The following PTPN14 variants were observed in gnomAD, a reference collection of about 807,000 sequenced individuals.
PTPN14 encodes the protein tyrosine-protein phosphatase non-receptor type 14.
PTPN14 carries 53 observed loss-of-function variants against 126.8 expected under a neutral mutation model. The ratio of observed to expected loss-of-function variants is 0.42; its 90% CI spans 0.34 to 0.53. The LOEUF (loss-of-function observed/expected upper bound fraction) is 0.53, where lower values mean the gene tolerates loss of function less well. Among genes scored for constraint, PTPN14 ranks in the 20% least tolerant of loss-of-function variants. The pLI is 0.08. For missense variants in PTPN14, 1,257 were observed against 1,552.9 expected, an observed-to-expected ratio of 0.81 and a Z score of 3.20; for synonymous variants, 630 against 599.3, an observed-to-expected ratio of 1.05 and a Z score of -0.75.
intron 3 of PTPN14, among the ~76,000 whole-genome samples, chr1:214,422,588 G>A (rs893964459): frequency 6.6e-5 from 10 of 152,292 alleles, no homozygotes; most frequent in Admixed American, 2.6e-4. Context: ...TCTGGAAGCC[G>A]GGTGAGTCAA....
At chr1:214,439,855 G>A (rs185113951) in intron 3 of PTPN14, among the ~76,000 whole-genome samples, 3 of 152,200 alleles carry the variant, frequency 2.0e-5, no homozygotes, top group East Asian at 1.9e-4. Flanking sequence ...TGATAAAGAC[G>A]TTAAATAAAA....
intron 1 of PTPN14, among the ~76,000 whole-genome samples, chr1:214,466,226 T>C (rs1660634134): frequency 6.6e-6 from 1 of 151,888 alleles, no homozygotes; most frequent in South Asian, 2.1e-4. Flanking sequence ...CCTCCCAAAG[T>C]ACTGGGGTTA....
At chr1:214,380,329 C>T (rs6540828) in intron 13 of PTPN14, among the ~76,000 whole-genome samples, 152,309 of 152,310 alleles carry the variant, frequency 1, 76,154 homozygotes, top group Middle Eastern at 1. Flanking sequence ...TTGTCTTTCT[C>T]GGGAAAGGAT....
intron 1 of PTPN14, among the ~76,000 whole-genome samples, chr1:214,526,833 T>A (rs1427708974): frequency 6.6e-6 from 1 of 152,234 alleles, no homozygotes; most frequent in Non-Finnish European, 1.5e-5. Context: ...GGCTCACGCC[T>A]GTAATCCCAG....
intron 14 of PTPN14, 36 bp from the exon 15 acceptor site, chr1:214,376,473 T>C: frequency 1.3e-6 from 2 of 1,548,224 alleles, no homozygotes; most frequent in Non-Finnish European, 1.8e-6. Context: ...CTCTAAATTA[T>C]CTGATCCAAA....
intron 7 of PTPN14, among the ~76,000 whole-genome samples, chr1:214,399,049 G>A (rs1364425486): frequency 6.6e-6 from 1 of 152,216 alleles, no homozygotes; most frequent in Non-Finnish European, 1.5e-5. Context: ...TTACAGGCGT[G>A]AGCCACCGTG....
chr1:214,350,894 A>G lies in PTPN14; in HGVS notation c.*7028T>C, dbSNP rs1458634535. The G allele has an allele frequency of 1.3e-5, 2 of 151,640 alleles. No homozygotes were observed. Among genetic ancestry groups the G allele is most frequent in the African/African-American group, 4.8e-5 (2 of 41,248 alleles). 9.4% of individuals were successfully genotyped at this position (151,640 alleles called of 1,614,324 possible). On this transcript the variant is annotated 3_prime_UTR_variant, in exon 19 of 19. Coordinates refer to ENST00000366956, the MANE Select transcript of PTPN14 (RefSeq NM_005401.5). ...AGATCTTATTCTTTGAAACTATACA[A>G]GCAATTTTTAAAAAATTAAAATAAG...
chr1:214,523,393 T>C, intron 1 of PTPN14, among the ~76,000 whole-genome samples: 1 of 152,180 alleles, frequency 6.6e-6, no homozygotes, highest in Admixed American at 6.5e-5. Context: ...TACCATATTT[T>C]TACTGTGCTC....
At chr1:214,536,477 A>G (rs1225693074) in intron 1 of PTPN14, among the ~76,000 whole-genome samples, 1 of 152,106 alleles carries the variant, frequency 6.6e-6, no homozygotes, top group South Asian at 2.1e-4. Context: ...AGATACTACA[A>G]ATATTAGTTA....
intron 11 of PTPN14, among the ~76,000 whole-genome samples, chr1:214,390,063 AG>A (rs1033875329): frequency 3.9e-5 from 6 of 152,264 alleles, no homozygotes; most frequent in African/African-American, 1.4e-4. Flanking sequence ...TCCCTTCAAA[AG>A]ACAAGTTAAA....
At chr1:214,490,153 G>C (rs1571617631) in intron 1 of PTPN14, among the ~76,000 whole-genome samples, 1 of 152,194 alleles carries the variant, frequency 6.6e-6, no homozygotes, top group East Asian at 1.9e-4. Flanking sequence ...CAATGGGGTG[G>C]TGGAATCACT....
At chr1:214,399,999 G>A (rs916066267) in intron 7 of PTPN14, among the ~76,000 whole-genome samples, 1 of 151,368 alleles carries the variant, frequency 6.6e-6, no homozygotes, top group African/African-American at 2.4e-5. Flanking sequence ...AGTATTTTGA[G>A]CAGGGGGTTC....
chr1:214,443,878 A>C (rs1021139655), intron 3 of PTPN14, among the ~76,000 whole-genome samples: 1 of 152,226 alleles, frequency 6.6e-6, no homozygotes, highest in South Asian at 2.1e-4. Flanking sequence ...GGAAGTAAAT[A>C]GGGTCAGCAA....
chr1:214,413,241 A>G (rs568182472), intron 4 of PTPN14, among the ~76,000 whole-genome samples: 125 of 152,292 alleles, frequency 8.2e-4, no homozygotes, highest in African/African-American at 2.6e-3. Flanking sequence ...GATCTTCTCC[A>G]TTATTTCAAC....
At chr1:214,453,915 T>G (rs1358370486) in intron 2 of PTPN14, among the ~76,000 whole-genome samples, 1 of 152,210 alleles carries the variant, frequency 6.6e-6, no homozygotes, top group Non-Finnish European at 1.5e-5. Context: ...GGAACATCAC[T>G]CTGATGCTAT....
chr1:214,369,945 G>T (rs1378632483), intron 16 of PTPN14, among the ~76,000 whole-genome samples: 4 of 152,216 alleles, frequency 2.6e-5, no homozygotes, highest in Admixed American at 6.5e-5. Flanking sequence ...AGAGAGAAGT[G>T]CAAGTGCAGT....
chr1:214,540,842 A>G (rs1655817420), intron 1 of PTPN14, among the ~76,000 whole-genome samples: 2 of 152,240 alleles, frequency 1.3e-5, no homozygotes, highest in Admixed American at 1.3e-4. Flanking sequence ...GTGTAAATCC[A>G]TTAGATTTAC....
intron 1 of PTPN14, among the ~76,000 whole-genome samples, chr1:214,510,687 A>G (rs1231921327): frequency 6.6e-6 from 1 of 152,154 alleles, no homozygotes; most frequent in Non-Finnish European, 1.5e-5. Flanking sequence ...AAGTGCTCTC[A>G]GGAGGTAAGG....
chr1:214,475,741 C>T (rs1223084147), intron 1 of PTPN14, among the ~76,000 whole-genome samples: 1 of 151,396 alleles, frequency 6.6e-6, no homozygotes, highest in African/African-American at 2.4e-5. Flanking sequence ...CTCAACACCC[C>T]TACGACAACA....
Sources: allele counts gnomAD v4.1 joint callset (sites outside exome capture counted in the v4.1 genomes callset), GRCh38; gene constraint gnomAD v4.1.1; transcripts MANE v1.5; gene names NCBI Gene and HGNC (gene_info 2026-07-23, HGNC 2026-07-21).